Variants in IST1 observed in about 807,000 individuals in gnomAD.
The protein encoded by IST1 is IST1 homolog.
IST1 carries 23 observed loss-of-function variants against 37.0 expected under a neutral mutation model. That is an observed-to-expected ratio of 0.62 (90% CI 0.45 to 0.88). IST1 has a LOEUF of 0.88. IST1 is among the 40% of genes least tolerant of loss of function. IST1 has a pLI of 0.00. For missense variants in IST1, 488 were observed against 445.4 expected, an observed-to-expected ratio of 1.10 and a Z score of -0.86; for synonymous variants, 180 against 161.7, an observed-to-expected ratio of 1.11 and a Z score of -0.86.
chr16:71,930,341 T>C lies in IST1; in HGVS notation c.*2528T>C. The stretch of plus-strand genomic sequence containing the variant: ...AAGATAATAAGAAGGAAAATACTTT[T>C]AAATGGACAGAAGAGCAGGAATGAC... On this transcript the variant is annotated 3_prime_UTR_variant, in exon 10 of 10. Coordinates refer to ENST00000378799, the MANE Select transcript of IST1 (RefSeq NM_001270975.2). The C allele has an allele frequency of 3.0e-6, 2 of 664,646 alleles. 1 individual carries two copies. The highest frequency in any genetic ancestry group is 8.8e-5 in the South Asian group (2 of 22,718). 41.2% of individuals were successfully genotyped at this position (664,646 alleles called of 1,614,324 possible).
intron 1 of IST1, among the ~76,000 whole-genome samples, chr16:71,913,985 T>C (rs1396680244): frequency 6.6e-6 from 1 of 151,904 alleles, no homozygotes; most frequent in Non-Finnish European, 1.5e-5. Flanking sequence ...ATTTTGTATT[T>C]TTAGTAGAGA....
At chr16:71,895,909 C>T (rs1436251060) in intron 1 of IST1, among the ~76,000 whole-genome samples, 7 of 152,188 alleles carry the variant, frequency 4.6e-5, no homozygotes, top group East Asian at 1.9e-4. Flanking sequence ...TTCCTTGGGG[C>T]GGAAACGCCG....
rs2037819841 is a variant in IST1 at position 71,928,968 on chromosome 16, G to GTA, written c.*1156_*1157dup. ...AATGTTTTCAGTTGGTTTGTATTCT[G>GTA]TAGCTCAGTAGCTGCTAATAAAGTT... is the stretch of plus-strand genomic sequence containing the variant. On this transcript the variant is annotated 3_prime_UTR_variant, in exon 10 of 10. Coordinates refer to ENST00000378799, the MANE Select transcript of IST1 (RefSeq NM_001270975.2). 7.1e-6 allele frequency: 1 copy of GTA among 141,208 alleles called. No individual in the cohort carries two copies. The highest frequency in any genetic ancestry group is 3.3e-5 in the African/African-American group (1 of 30,706). 8.7% of individuals were successfully genotyped at this position (141,208 alleles called of 1,614,324 possible).
At chr16:71,922,420 G>T (rs1273966966) in intron 6 of IST1, 54 bp from the exon 7 acceptor site, 5 of 1,478,532 alleles carry the variant, frequency 3.4e-6, no homozygotes, top group Middle Eastern at 1.8e-4. Context: ...CCGCTTTCTG[G>T]GGAACCTGGC....
Position 71,927,594 on chromosome 16 carries a change from G to T in IST1, c.902-20G>T, listed in dbSNP as rs774221463. On this transcript the variant is annotated intron_variant, in intron 9 of 9. Coordinates refer to ENST00000378799, the MANE Select transcript of IST1 (RefSeq NM_001270975.2). Reference sequence around the variant, plus strand: ...TCATTTCTCTGGTATTTGTAACGTTGTGCTCCTTGCCCTAATTAGGTCCTG... The same window carrying T: ...TCATTTCTCTGGTATTTGTAACGTTTTGCTCCTTGCCCTAATTAGGTCCTG... The T allele has an allele frequency of 2.1e-5, 33 of 1,570,128 alleles. 1 individual carries two copies. The South Asian group carries it at 3.3e-4, about 16-fold the overall frequency.
At chr16:71,918,512 G>C (rs1334845032) in intron 4 of IST1, among the ~76,000 whole-genome samples, 1 of 151,182 alleles carries the variant, frequency 6.6e-6, no homozygotes, top group African/African-American at 2.4e-5. Context: ...TGCCTCCTGG[G>C]TTGAAGCGAT....
chr16:71,906,371 G>A lies in IST1; in HGVS notation c.-15-9255G>A, dbSNP rs916082362. ...TGCCCAGGCTGGAATGCAGTGGTCC[G>A]ATCTCAGCTCACTGCAGCCTCTACC... On this transcript the variant is annotated intron_variant, in intron 1 of 9. Coordinates refer to ENST00000378799, the MANE Select transcript of IST1 (RefSeq NM_001270975.2). 4.1e-5 allele frequency among the ~76,000 whole-genome samples: 6 copies of A among 148,098 alleles called. No homozygotes were observed. In the East Asian group the frequency reaches 8.1e-4, roughly 20 times the overall value.
chr16:71,927,274 G>C (rs1165200557), intron 9 of IST1, among the ~76,000 whole-genome samples: 2 of 151,884 alleles, frequency 1.3e-5, no homozygotes, highest in African/African-American at 4.8e-5. Flanking sequence ...TGAGGTGTGT[G>C]GATCACTTGA....
At chr16:71,910,354 C>A (rs1183178896) in intron 1 of IST1, among the ~76,000 whole-genome samples, 1 of 152,064 alleles carries the variant, frequency 6.6e-6, no homozygotes, top group Non-Finnish European at 1.5e-5. Context: ...AGTCTGTAAT[C>A]CCAGTACTTT....
intron 1 of IST1, among the ~76,000 whole-genome samples, chr16:71,906,546 C>A (rs527392387): frequency 1.3e-5 from 2 of 151,898 alleles, no homozygotes; most frequent in African/African-American, 4.8e-5. Context: ...AACTCCTGAC[C>A]CCAGGTGATC....
chr16:71,922,343 C>T (rs1002151998), intron 6 of IST1, 131 bp from the exon 7 acceptor site: 4 of 745,716 alleles, frequency 5.4e-6, no homozygotes, highest in South Asian at 5.1e-5. Context: ...GCCTTTTCTT[C>T]CCCCACAGGT....
At chr16:71,895,646 C>T in intron 1 of IST1, 57 bp downstream of exon 1, 1 of 748,002 alleles carries the variant, frequency 1.3e-6, no homozygotes, top group East Asian at 1.3e-4. Context: ...CTCTGCGCTC[C>T]TGATTTAGCG....
intron 1 of IST1, among the ~76,000 whole-genome samples, chr16:71,914,268 CCTGT>C (rs2037422882): frequency 6.6e-6 from 1 of 151,476 alleles, no homozygotes; most frequent in African/African-American, 2.4e-5. Flanking sequence ...AAGCGATTCT[CCTGT>C]CTCAGTCTCC....
At position 71,927,663 on chromosome 16, in the gene IST1, A is replaced by G. The variant is rs772178071; in HGVS notation, c.951A>G (p.Ala317=). ...EASAKLPSRP[A]DNYDNFVLPE... is the part of the protein sequence containing the mutation. ...CTGCAAAGCTTCCTTCCAGACCTGC[A>G]GATAACTATGACAACTTTGTCCTAC... Residue 317 remains alanine (A), a synonymous_variant, in exon 10 of 10, where the codon GCA becomes GCG. Transcript: ENST00000378799. The G allele has an allele frequency of 6.2e-7, 1 of 1,613,964 alleles. No homozygotes were observed. The highest frequency in any genetic ancestry group is 1.7e-5 in the Admixed American group (1 of 60,006).
chr16:71,929,454 G>A lies in IST1; in HGVS notation c.*1641G>A. ...CCTAACTTACAGAATTAAAAACAAA[G>A]TATATTATAATTTTAAAGCTATGCC... On this transcript the variant is annotated 3_prime_UTR_variant, in exon 10 of 10. Coordinates refer to ENST00000378799, the MANE Select transcript of IST1 (RefSeq NM_001270975.2). 2 of 1,309,320 alleles carry A rather than the reference G, an allele frequency of 1.5e-6. No individual in the cohort carries two copies. The highest frequency in any genetic ancestry group is 2.0e-6 in the Non-Finnish European group (2 of 976,592). 81.1% of individuals were successfully genotyped at this position (1,309,320 alleles called of 1,614,324 possible).
rs1213762416 is a variant in IST1, at chr16:71,916,568, C to G, written c.195C>G (p.Leu65=). 2 of 1,613,842 alleles carry G rather than the reference C, an allele frequency of 1.2e-6. No homozygotes were observed. Among genetic ancestry groups the G allele is most frequent in the Non-Finnish European group, 1.7e-6 (2 of 1,179,872 alleles). The change falls in exon 3 of 10, where the codon CTC becomes CTG. Residue 65 remains leucine, a synonymous_variant. Transcript: ENST00000378799. ...AGCACATTATCCGGGAAGACTACCT[C>G]GTGGAGGCCATGGAGATCCTGGAGC... The part of the protein sequence containing the change: ...RVEHIIREDY[L]VEAMEILELY...
intron 1 of IST1, among the ~76,000 whole-genome samples, chr16:71,911,873 T>A (rs1222239307): frequency 1.3e-5 from 2 of 151,972 alleles, no homozygotes; most frequent in Non-Finnish European, 2.9e-5. Flanking sequence ...CGCACCACCA[T>A]GCCATGGCGA....
At chr16:71,897,354 ATAG>A (rs2036997379) in intron 1 of IST1, among the ~76,000 whole-genome samples, 1 of 152,148 alleles carries the variant, frequency 6.6e-6, no homozygotes, top group African/African-American at 2.4e-5. Context: ...TTATTTTAAA[ATAG>A]TATTATTATT....
At chr16:71,896,483 C>A (rs902061609) in intron 1 of IST1, among the ~76,000 whole-genome samples, 13 of 152,120 alleles carry the variant, frequency 8.5e-5, no homozygotes, top group African/African-American at 3.1e-4. Flanking sequence ...CAAACACGAT[C>A]AACTCATGCC....
Sources: allele counts gnomAD v4.1 joint callset (sites outside exome capture counted in the v4.1 genomes callset), GRCh38; gene constraint gnomAD v4.1.1; transcripts MANE v1.5; gene names NCBI Gene and HGNC (gene_info 2026-07-23, HGNC 2026-07-21).